The following GRPEL1 variants were observed in gnomAD, a reference collection of about 807,000 sequenced individuals.
The protein encoded by GRPEL1 is grpE protein homolog 1, mitochondrial.
GRPEL1 carries 13 observed loss-of-function variants against 22.1 expected under a neutral mutation model. The observed-to-expected ratio is 0.59, with a 90% CI of 0.38 to 0.94. GRPEL1 has a LOEUF of 0.94. Among genes scored for constraint, GRPEL1 ranks in the 40% least tolerant of loss-of-function variants. GRPEL1 has a pLI of 0.00. For synonymous variants in GRPEL1, 109 were observed against 105.3 expected, an observed-to-expected ratio of 1.03 and a Z score of -0.21; for missense variants, 289 against 264.6, an observed-to-expected ratio of 1.09 and a Z score of -0.64.
At chr4:7,062,508 A>C in intron 2 of GRPEL1, 42 bp from the exon 3 acceptor site, 1 of 474,764 alleles carries the variant, frequency 2.1e-6, no homozygotes. Flanking sequence ...ATATATATAT[A>C]TATATATCTT....
chr4:7,062,321 G>A (rs766304738), intron 3 of GRPEL1, 64 bp downstream of exon 3: 29 of 819,364 alleles, frequency 3.5e-5, no homozygotes, highest in Non-Finnish European at 5.7e-5. Flanking sequence ...CGTATGCATG[G>A]CCTTCCCCTT....
rs771336337 is a variant in GRPEL1, at chr4:7,060,710, TGG to T, written c.*150_*151del. On this transcript the variant is annotated 3_prime_UTR_variant, in exon 4 of 4. Coordinates refer to ENST00000264954, the MANE Select transcript of GRPEL1 (RefSeq NM_025196.4). Reference sequence around the variant, plus strand: ...CCGAATTAGAGTTCATTAATGCAGTTGGGCAACCGGCTTTTCTGTTTAGCCAC... The same window carrying T: ...CCGAATTAGAGTTCATTAATGCAGTTGCAACCGGCTTTTCTGTTTAGCCAC... The T allele has an allele frequency of 7.0e-6, 5 of 710,048 alleles. No homozygotes were observed. The highest frequency in any genetic ancestry group is 1.8e-5 in the African/African-American group (1 of 56,464). 44.0% of individuals were successfully genotyped at this position (710,048 alleles called of 1,614,324 possible). A position where few individuals can be genotyped will look rare whatever the true frequency, so the allele number is the denominator to read the frequency against.
rs938770448 is a variant in GRPEL1, at chr4:7,061,487, C to G, written c.308-279G>C. On this transcript the variant is annotated intron_variant, in intron 3 of 3. Coordinates refer to ENST00000264954, the MANE Select transcript of GRPEL1 (RefSeq NM_025196.4). ...CCTTGAGACATCCAAGCCCAGATGT[C>G]AAGCAAGCAGTAAGATTTAGGGGAC... 16 of 362,684 alleles carry G rather than the reference C, an allele frequency of 4.4e-5. No homozygotes were observed. The Admixed American group carries it at 7.3e-4, about 16-fold the overall frequency. The allele number at this position is 362,684 out of a possible 1,614,324, so 22.5% of individuals were successfully genotyped here.
Position 7,068,057 on chromosome 4 carries a change from C to G in GRPEL1, c.-25G>C, listed in dbSNP as rs777215396. 3 of 1,611,136 alleles carry G rather than the reference C, an allele frequency of 1.9e-6. No individual in the cohort carries two copies. Among genetic ancestry groups the G allele is most frequent in the Non-Finnish European group, 2.5e-6 (3 of 1,178,864 alleles). ...TGACTGCCACTGCCCGTCGCAGTCGCCGCGCACGCACCAAGCGTGCGTGCA... is the reference window on the plus strand; with the variant it reads ...TGACTGCCACTGCCCGTCGCAGTCGGCGCGCACGCACCAAGCGTGCGTGCA... On this transcript the variant is annotated 5_prime_UTR_variant, in exon 1 of 4. Coordinates refer to ENST00000264954, the MANE Select transcript of GRPEL1 (RefSeq NM_025196.4).
chr4:7,062,282 C>CA (rs1553880269), intron 3 of GRPEL1, 103 bp downstream of exon 3: 2 of 461,140 alleles, frequency 4.3e-6, no homozygotes, highest in Admixed American at 2.6e-5. Flanking sequence ...CTGGACCCCC[C>CA]ACCCCACAGC....
chr4:7,062,488 A>C, intron 2 of GRPEL1, 22 bp from the exon 3 acceptor site: 1 of 646,198 alleles, frequency 1.5e-6, no homozygotes, highest in Non-Finnish European at 2.1e-6. Flanking sequence ...AAAAAGGGAT[A>C]TTTATATATA....
At chr4:7,065,538 A>C (rs915484864) in intron 1 of GRPEL1, among the ~76,000 whole-genome samples, 1 of 152,172 alleles carries the variant, frequency 6.6e-6, no homozygotes, top group African/African-American at 2.4e-5. Context: ...AGTGATTAAA[A>C]AAAAAAAGGG....
chr4:7,062,294 T>A, intron 3 of GRPEL1, 91 bp downstream of exon 3: 30 of 376,584 alleles, frequency 8.0e-5, no homozygotes, highest in Non-Finnish European at 1.3e-4. Context: ...CCCCACAGCC[T>A]TGCTCTCTGA....
chr4:7,064,813 T>C (rs973586301), intron 1 of GRPEL1, among the ~76,000 whole-genome samples: 1 of 152,174 alleles, frequency 6.6e-6, no homozygotes, highest in Non-Finnish European at 1.5e-5. Flanking sequence ...CATGTATTTT[T>C]AGAGACAGGG....
rs374545290 is a variant in GRPEL1 at position 7,060,925 on chromosome 4, C to T, written c.591G>A (p.Val197=). 2.5e-6 allele frequency: 4 copies of T among 1,614,096 alleles called. No homozygotes were observed. Among genetic ancestry groups the T allele is most frequent in the Non-Finnish European group, 3.4e-6 (4 of 1,180,050 alleles). ...GAGTGCGCCCATGCAGCTTGTACCCCACTTTGCTAACTAGGGCCACTGTGC... is the reference window on the plus strand; with the variant it reads ...GAGTGCGCCCATGCAGCTTGTACCCTACTTTGCTAACTAGGGCCACTGTGC... ...EPGTVALVSK[V]GYKLHGRTLR... The change falls in exon 4 of 4, where the codon GTG becomes GTA. Residue 197 remains valine, a synonymous_variant. Coordinates refer to ENST00000264954, the MANE Select transcript of GRPEL1 (RefSeq NM_025196.4).
intron 3 of GRPEL1, 74 bp downstream of exon 3, chr4:7,062,311 C>T (rs774235967): frequency 1.8e-5 from 13 of 713,950 alleles, no homozygotes; most frequent in East Asian, 3.1e-5. Flanking sequence ...CTGACACTTC[C>T]GTATGCATGG....
intron 3 of GRPEL1, chr4:7,061,418 T>C: frequency 1.9e-6 from 1 of 539,802 alleles, no homozygotes; most frequent in South Asian, 2.4e-5. Flanking sequence ...AAATTTAGAA[T>C]TCACTAAAAT....
In GRPEL1 at chr4:7,065,601, T is replaced by C. The variant is rs187682884; in HGVS notation, c.63-1378A>G. Among the ~76,000 whole-genome samples, 452 of 151,232 alleles carry C rather than the reference T, an allele frequency of 3.0e-3. 3 individuals are homozygous for C. Among genetic ancestry groups the C allele is most frequent in the African/African-American group, 9.5e-3 (390 of 41,164 alleles). On this transcript the variant is annotated intron_variant, in intron 1 of 3. Coordinates refer to ENST00000264954, the MANE Select transcript of GRPEL1 (RefSeq NM_025196.4). Reference sequence around the variant, plus strand: ...TCAGAGTAGAAGGAGATACCTAGCTTGGGGAATGGAAAACCATGAAAGGCT... The same window carrying C: ...TCAGAGTAGAAGGAGATACCTAGCTCGGGGAATGGAAAACCATGAAAGGCT...
chr4:7,064,454 A>G, intron 1 of GRPEL1: 1 of 353,662 alleles, frequency 2.8e-6, no homozygotes, highest in Non-Finnish European at 5.0e-6. Flanking sequence ...TCTAAGATAA[A>G]CATATATATA....
At position 7,058,896 on chromosome 4, in the gene GRPEL1, T is replaced by C. The variant is rs1489184343; in HGVS notation, c.*1966A>G. On this transcript the variant is annotated 3_prime_UTR_variant, in exon 4 of 4. Transcript: ENST00000264954. The stretch of plus-strand genomic sequence containing the variant: ...TTTCAGTCAATGAGGGGCCACATAT[T>C]AGAACACAGTTTGCACTGTACCTTT... 6.6e-6 allele frequency: 1 copy of C among 152,204 alleles called. No individual in the cohort carries two copies. Among genetic ancestry groups the C allele is most frequent in the Non-Finnish European group, 1.5e-5 (1 of 68,028 alleles). 9.4% of individuals were successfully genotyped at this position (152,204 alleles called of 1,614,324 possible). A position where few individuals can be genotyped will look rare whatever the true frequency, so the allele number is the denominator to read the frequency against.
At position 7,062,490 on chromosome 4, in the gene GRPEL1, T is replaced by TTA. The variant is rs59986387; in HGVS notation, c.226-26_226-25dup. The TTA allele has an allele frequency of 3.8e-3, 2,367 of 615,156 alleles. 13 individuals carry two copies. Among genetic ancestry groups the TTA allele is most frequent in the African/African-American group, 0.029 (1,028 of 35,774 alleles). The allele number at this position is 615,156 out of a possible 1,614,324, so 38.1% of individuals were successfully genotyped here. On this transcript the variant is annotated intron_variant, in intron 2 of 3. Coordinates refer to ENST00000264954, the MANE Select transcript of GRPEL1 (RefSeq NM_025196.4). ...TCCTAAAAGAGAAAAAAAGGGATAT[T>TTA]TATATATATATATATATATATATAT...
rs1455596606 is a variant in GRPEL1, at chr4:7,060,770, A to G, written c.*92T>C. 5.8e-6 allele frequency: 7 copies of G among 1,197,038 alleles called. No homozygotes were observed. Among genetic ancestry groups the G allele is most frequent in the Non-Finnish European group, 8.3e-6 (7 of 843,450 alleles). The allele number at this position is 1,197,038 out of a possible 1,614,324, so 74.2% of individuals were successfully genotyped here. A position where few individuals can be genotyped will look rare whatever the true frequency, so the allele number is the denominator to read the frequency against. On this transcript the variant is annotated 3_prime_UTR_variant, in exon 4 of 4. Coordinates refer to ENST00000264954, the MANE Select transcript of GRPEL1 (RefSeq NM_025196.4). ...TTAAGGTTTCCAATAAGGTTTGGGA[A>G]AAGGTCACACGTACTCATAGATGAG...
At chr4:7,066,526 G>T (rs1724172225) in intron 1 of GRPEL1, among the ~76,000 whole-genome samples, 1 of 152,314 alleles carries the variant, frequency 6.6e-6, no homozygotes, top group African/African-American at 2.4e-5. Flanking sequence ...TTACAGTCTT[G>T]CCATGGGGGT....
chr4:7,060,963 CCT>C lies in GRPEL1; in HGVS notation c.551_552del (p.Glu184GlyfsTer11). Reference sequence around the variant, plus strand: ...AGGGCCACTGTGCCTGGCTCCTTCCCCTCAACCGGTGTGTGGAACAAGGCCTC... The same window carrying C: ...AGGGCCACTGTGCCTGGCTCCTTCCCCAACCGGTGTGTGGAACAAGGCCTC... ...EHEALFHTPV[E>X]GKEPGTVALV... is the part of the protein sequence containing the mutation. On this transcript the variant is annotated frameshift_variant, in exon 4 of 4. Coordinates refer to ENST00000264954, the MANE Select transcript of GRPEL1 (RefSeq NM_025196.4). LOFTEE classifies it high-confidence loss of function. The C allele has an allele frequency of 6.2e-7, 1 of 1,614,218 alleles. No individual in the cohort carries two copies. Among genetic ancestry groups the C allele is most frequent in the Non-Finnish European group, 8.5e-7 (1 of 1,180,048 alleles).
Sources: allele counts gnomAD v4.1 joint callset (sites outside exome capture counted in the v4.1 genomes callset), GRCh38; gene constraint gnomAD v4.1.1; transcripts MANE v1.5; gene names NCBI Gene and HGNC (gene_info 2026-07-23, HGNC 2026-07-21).